Variants in IST1 observed in about 807,000 individuals in gnomAD.
The protein encoded by IST1 is IST1 homolog.
A neutral mutation model predicts 37.0 loss-of-function variants in IST1; 23 were observed. That is an observed-to-expected ratio of 0.62 (90% CI 0.45 to 0.88). IST1 has a LOEUF of 0.88. Ranked by LOEUF, IST1 falls within the 40% of genes least tolerant of loss-of-function variation. The pLI is 0.00. For synonymous variants in IST1, 180 were observed against 161.7 expected (o/e 1.11, Z -0.86); for missense variants, 488 against 445.4 (o/e 1.10, Z -0.86).
chr16:71,929,340 C>G lies in IST1; in HGVS notation c.*1527C>G. 2 of 491,684 alleles carry G rather than the reference C, an allele frequency of 4.1e-6. No homozygotes were observed. Among genetic ancestry groups the G allele is most frequent in the Non-Finnish European group, 6.9e-6 (2 of 290,106 alleles). The allele number at this position is 491,684 out of a possible 1,614,324, so 30.5% of individuals were successfully genotyped here. ...TGTTACTTGCTGCTTGGCAGCAGAG[C>G]TAGTTTGTCTCGTAGTATTCTTGCA... On this transcript the variant is annotated 3_prime_UTR_variant, in exon 10 of 10. Transcript: ENST00000378799.
intron 1 of IST1, among the ~76,000 whole-genome samples, chr16:71,903,828 T>G (rs777422488): frequency 8.5e-5 from 13 of 152,214 alleles, no homozygotes; most frequent in Non-Finnish European, 1.2e-4. Context: ...GGTGGTGGTG[T>G]TCAGTTCACT....
At chr16:71,910,658 A>G (rs1012624182) in intron 1 of IST1, among the ~76,000 whole-genome samples, 1 of 151,992 alleles carries the variant, frequency 6.6e-6, no homozygotes, top group African/African-American at 2.4e-5. Flanking sequence ...AGGATTCGGT[A>G]TGATCTGCGA....
upstream of IST1, chr16:71,895,482 C>G: frequency 1.0e-6 from 1 of 983,846 alleles, no homozygotes; most frequent in Non-Finnish European, 1.2e-6. Context: ...ATATCGGCCC[C>G]GTGGATCCCT....
rs2037794251 is a variant in IST1 at position 71,928,061 on chromosome 16, CAG to C, written c.*251_*252del. The C allele has an allele frequency of 4.3e-6, 2 of 466,018 alleles. No homozygotes were observed. Among genetic ancestry groups the C allele is most frequent in the Non-Finnish European group, 3.9e-6 (1 of 253,610 alleles). The allele number at this position is 466,018 out of a possible 1,614,324, so 28.9% of individuals were successfully genotyped here. On this transcript the variant is annotated 3_prime_UTR_variant, in exon 10 of 10. Transcript: ENST00000378799. ...GCAGCTGTGCTTGTCCGTTTCCTGTCAGAGTGATCCCAGGTTTCCTCCTGGCC... is the reference window on the plus strand; with the variant it reads ...GCAGCTGTGCTTGTCCGTTTCCTGTCAGTGATCCCAGGTTTCCTCCTGGCC...
chr16:71,923,985 C>T (rs1017121428), intron 8 of IST1: 5 of 383,444 alleles, frequency 1.3e-5, no homozygotes, highest in African/African-American at 8.5e-5. Flanking sequence ...TAGTATTTTA[C>T]TGAGAAACAA....
At chr16:71,921,726 C>T (rs1413788536) in intron 6 of IST1, 4 of 350,190 alleles carry the variant, frequency 1.1e-5, no homozygotes, top group African/African-American at 2.1e-5. Context: ...ATTGAGAAAC[C>T]TCCTGTTCAT....
In IST1 at chr16:71,895,573, C is replaced by T. The variant is rs979354831; in HGVS notation, c.-32C>T. ...CTGAAGTCGGTGTCTGCTGCGTTCA[C>T]GGCAGGATTCGGTTAGGTGAGTGTG... On this transcript the variant is annotated 5_prime_UTR_variant, in exon 1 of 10. It adds an upstream start codon to the 5' untranslated region. Transcript: ENST00000378799. The T allele has an allele frequency of 1.0e-5, 10 of 985,196 alleles. No homozygotes were observed. Among genetic ancestry groups the T allele is most frequent in the Non-Finnish European group, 1.2e-5 (10 of 829,758 alleles). The allele number at this position is 985,196 out of a possible 1,614,324, so 61.0% of individuals were successfully genotyped here.
At chr16:71,895,412 A>T (rs1320107916), upstream of IST1, 1 of 610,898 alleles carries the variant, frequency 1.6e-6, no homozygotes, top group Non-Finnish European at 2.1e-6. Context: ...GCCCCGAGTC[A>T]GCGCGTGGGT....
chr16:71,897,106 A>T (rs370956097), intron 1 of IST1, among the ~76,000 whole-genome samples: 18 of 151,272 alleles, frequency 1.2e-4, no homozygotes, highest in Admixed American at 9.2e-4. Context: ...TCGACCTTTC[A>T]GGACTCAAGT....
chr16:71,895,456 A>C (rs2036942846), upstream of IST1: 1 of 920,948 alleles, frequency 1.1e-6, no homozygotes, highest in Non-Finnish European at 1.3e-6. Context: ...CAATCCCTGG[A>C]AAGGAGGGCG....
chr16:71,919,100 A>G (rs2037526009), intron 4 of IST1, among the ~76,000 whole-genome samples: 1 of 152,240 alleles, frequency 6.6e-6, no homozygotes. Context: ...TGTCCAAAAC[A>G]CAGCTCCGAT....
intron 1 of IST1, among the ~76,000 whole-genome samples, chr16:71,896,590 A>G (rs1159503583): frequency 6.6e-6 from 1 of 152,128 alleles, no homozygotes; most frequent in Non-Finnish European, 1.5e-5. Flanking sequence ...CTTTCCCAGT[A>G]GAAGCCTTTT....
chr16:71,894,784 C>T (rs2036929578), upstream of IST1: 19 of 1,445,052 alleles, frequency 1.3e-5, no homozygotes, highest in East Asian at 3.2e-4. Context: ...GATCCTCCCG[C>T]CCCGCCTCTC....
rs749040987 is a variant in IST1 at position 71,927,957 on chromosome 16, C to G, written c.*144C>G. The stretch of plus-strand genomic sequence containing the variant: ...CCCTCTGGGCTCTCTTCCTGCTCCT[C>G]CAGATTCTGCTGCTTTCCAGTTCTC... On this transcript the variant is annotated 3_prime_UTR_variant, in exon 10 of 10. Coordinates refer to ENST00000378799, the MANE Select transcript of IST1 (RefSeq NM_001270975.2). 6 of 637,722 alleles carry G rather than the reference C, an allele frequency of 9.4e-6. No individual in the cohort carries two copies. The highest frequency in any genetic ancestry group is 1.7e-5 in the Non-Finnish European group (6 of 361,820). 39.5% of individuals were successfully genotyped at this position (637,722 alleles called of 1,614,324 possible).
intron 6 of IST1, 79 bp downstream of exon 6, chr16:71,921,532 C>CACTA: frequency 2.5e-6 from 2 of 811,458 alleles, no homozygotes; most frequent in Non-Finnish European, 4.2e-6. Flanking sequence ...ACATTCTTTG[C>CACTA]ACTAACTTAA....
chr16:71,918,471 C>T (rs895578735), intron 4 of IST1, among the ~76,000 whole-genome samples: 1 of 145,466 alleles, frequency 6.9e-6, no homozygotes, highest in East Asian at 2.0e-4. Context: ...GGCTGGAGTG[C>T]AGTGGTACAA....
chr16:71,917,970 T>C (rs1441209462), intron 4 of IST1, among the ~76,000 whole-genome samples: 1 of 152,222 alleles, frequency 6.6e-6, no homozygotes, highest in Non-Finnish European at 1.5e-5. Context: ...GGCTGTCGGT[T>C]TACATTTAAG....
rs2037771671 is a variant in IST1 at position 71,927,466 on chromosome 16, G to T, written c.902-148G>T. On this transcript the variant is annotated intron_variant, in intron 9 of 9. Transcript: ENST00000378799. Reference sequence around the variant, plus strand: ...TCACGCCAACTGCACTCCAGCCTGGGTGACAGAGGGAGACTGTCTCAAAAA... The same window carrying T: ...TCACGCCAACTGCACTCCAGCCTGGTTGACAGAGGGAGACTGTCTCAAAAA... 7.8e-6 allele frequency: 5 copies of T among 638,762 alleles called. No individual in the cohort carries two copies. In the South Asian group the frequency reaches 9.2e-5, roughly 12 times the overall value. The allele number at this position is 638,762 out of a possible 1,614,324, so 39.6% of individuals were successfully genotyped here.
intron 8 of IST1, chr16:71,924,553 T>C (rs2037690969): frequency 8.4e-6 from 5 of 594,798 alleles, no homozygotes; most frequent in Admixed American, 5.9e-5. Flanking sequence ...ATTGTATCAC[T>C]GCACTCCAGC....
Sources: allele counts gnomAD v4.1 joint callset (sites outside exome capture counted in the v4.1 genomes callset), GRCh38; gene constraint gnomAD v4.1.1; transcripts MANE v1.5; gene names NCBI Gene and HGNC (gene_info 2026-07-23, HGNC 2026-07-21).